The following KIAA1614 variants were observed in gnomAD, a reference collection of about 807,000 sequenced individuals.
The protein encoded by KIAA1614 is uncharacterized protein KIAA1614.
In KIAA1614, 76 loss-of-function variants were observed where a neutral mutation model predicts 88.7. The ratio of observed to expected loss-of-function variants is 0.86; its 90% CI spans 0.71 to 1.04. KIAA1614 has a LOEUF of 1.04. KIAA1614 is among the 50% of genes least tolerant of loss of function. The pLI, the probability that KIAA1614 is intolerant of heterozygous loss-of-function variation, is 0.00. For synonymous variants in KIAA1614, 714 were observed against 675.5 expected (o/e 1.06, Z -0.88); for missense variants, 1,553 against 1,582.5 (o/e 0.98, Z 0.32).
rs914624164 is a variant in KIAA1614 at position 180,913,264 on chromosome 1, G to A, written c.21G>A (p.Ala7=). ...GAGGGATGGAGGGGACAGAGGCGGC[G>A]GCGGCCAAACCCGCGGGCGGCAGCC... MEGTEA[A]AAKPAGGSPQ... is the part of the protein sequence containing the mutation. Residue 7 remains alanine (A), a synonymous_variant, in exon 1 of 9, where the codon GCG becomes GCA. Transcript: ENST00000367588. 1.6e-6 allele frequency: 2 copies of A among 1,260,978 alleles called. No homozygotes were observed. The highest frequency in any genetic ancestry group is 1.6e-5 in the African/African-American group (1 of 64,494). The allele number at this position is 1,260,978 out of a possible 1,614,324, so 78.1% of individuals were successfully genotyped here.
intron 4 of KIAA1614, among the ~76,000 whole-genome samples, chr1:180,931,091 G>A (rs942287494): frequency 2.6e-5 from 4 of 152,352 alleles, no homozygotes; most frequent in African/African-American, 9.6e-5. Context: ...AACAGACAGG[G>A]ACTCCAGGAG....
intron 4 of KIAA1614, among the ~76,000 whole-genome samples, chr1:180,934,020 C>T (rs1298162876): frequency 1.3e-5 from 2 of 152,146 alleles, no homozygotes; most frequent in African/African-American, 4.8e-5. Context: ...TTTGGGAGGT[C>T]GAGGCAGGCA....
rs778547578 is a variant in KIAA1614, at chr1:180,945,323, G to A, written c.3308G>A (p.Arg1103Gln). The A allele has an allele frequency of 2.5e-5, 40 of 1,586,622 alleles. No homozygotes were observed. Among genetic ancestry groups the A allele is most frequent in the Admixed American group, 9.7e-5 (5 of 51,508 alleles). Residue 1103 changes from arginine to glutamine, a missense_variant, in exon 9 of 9, where the codon CGG (arginine) becomes CAG (glutamine). Transcript: ENST00000367588. ...AAGRPAKTSPRRALSVEDVGA... is the reference protein window; with the variant it reads ...AAGRPAKTSPQRALSVEDVGA... ...CGCAGGCCGGCCAAGACTTCACCAC[G>A]GCGTGCCCTCAGTGTGGAGGACGTG...
chr1:180,935,094 C>G lies in KIAA1614; in HGVS notation c.1206-21C>G, dbSNP rs1654283619. 1 of 1,387,752 alleles carries G rather than the reference C, an allele frequency of 7.2e-7. No homozygotes were observed. Among genetic ancestry groups the G allele is most frequent in the African/African-American group, 1.5e-5 (1 of 66,528 alleles). The allele number at this position is 1,387,752 out of a possible 1,614,324, so 86.0% of individuals were successfully genotyped here. On this transcript the variant is annotated intron_variant, in intron 4 of 8. Transcript: ENST00000367588. This position sits in a 1 kb window ranked among gnomAD's most constrained non-coding sequence, Gnocchi z 6.1. The stretch of plus-strand genomic sequence containing the variant: ...CCCCAGGTTTCTGCCCTTGACCTCT[C>G]TCCTCCTGTCTCTTCATCAGAGATG...
At chr1:180,923,213 C>T (rs1653991733) in intron 3 of KIAA1614, among the ~76,000 whole-genome samples, 1 of 152,150 alleles carries the variant, frequency 6.6e-6, no homozygotes, top group Non-Finnish European at 1.5e-5. Flanking sequence ...ACATCATTGG[C>T]CACTGCGAGT....
chr1:180,924,385 C>G (rs1654021175), intron 3 of KIAA1614, among the ~76,000 whole-genome samples: 1 of 152,220 alleles, frequency 6.6e-6, no homozygotes, highest in African/African-American at 2.4e-5. Flanking sequence ...AAAGGGGCAG[C>G]CCAAAGCCTC....
chr1:180,947,320 AG>A lies in KIAA1614; in HGVS notation c.*1733del, dbSNP rs1654618819. On this transcript the variant is annotated 3_prime_UTR_variant, in exon 9 of 9. Transcript: ENST00000367588. ...AGATGGGAGCCACTAGAGGGCTCGG[AG>A]CGAGCACTGAGACTCTCTAATGTCT... The A allele has an allele frequency of 6.6e-6, 1 of 152,274 alleles. No individual in the cohort carries two copies. 9.4% of individuals were successfully genotyped at this position (152,274 alleles called of 1,614,324 possible). A position where few individuals can be genotyped will look rare whatever the true frequency, so the allele number is the denominator to read the frequency against.
chr1:180,932,215 A>G (rs1295813131), intron 4 of KIAA1614, among the ~76,000 whole-genome samples: 1 of 152,018 alleles, frequency 6.6e-6, no homozygotes, highest in Admixed American at 6.6e-5. Context: ...CCCGACGACC[A>G]TATTGAGATG....
chr1:180,928,652 C>A, intron 4 of KIAA1614, 79 bp downstream of exon 4: 1 of 1,411,834 alleles, frequency 7.1e-7, no homozygotes, highest in Non-Finnish European at 9.5e-7. Context: ...TGGGATCTAG[C>A]CAAATGCTGC....
rs1034731577 is a variant in KIAA1614 at position 180,950,029 on chromosome 1, T to C, written c.*4441T>C. Reference sequence around the variant, plus strand: ...CAGAAAAAGATTAGCTCACTCACTGTCAGGTATAAATAAATGACAACAGTT... The same window carrying C: ...CAGAAAAAGATTAGCTCACTCACTGCCAGGTATAAATAAATGACAACAGTT... On this transcript the variant is annotated 3_prime_UTR_variant, in exon 9 of 9. Transcript: ENST00000367588. 1 of 152,428 alleles carries C rather than the reference T, an allele frequency of 6.6e-6. No individual in the cohort carries two copies. The highest frequency in any genetic ancestry group is 6.5e-5 in the Admixed American group (1 of 15,298). 9.4% of individuals were successfully genotyped at this position (152,428 alleles called of 1,614,324 possible).
rs1654714451 is a variant in KIAA1614 at position 180,950,833 on chromosome 1, G to C, written c.*5245G>C. 2 of 152,556 alleles carry C rather than the reference G, an allele frequency of 1.3e-5. No individual in the cohort carries two copies. Among genetic ancestry groups the C allele is most frequent in the Non-Finnish European group, 2.9e-5 (2 of 68,236 alleles). The allele number at this position is 152,556 out of a possible 1,614,324, so 9.5% of individuals were successfully genotyped here. On this transcript the variant is annotated 3_prime_UTR_variant, in exon 9 of 9. Transcript: ENST00000367588. ...TACCTTTGTTGGCAGGGGGAGAAGG[G>C]AGATTCAGTGGATCCTTTGGTTGAT...
In KIAA1614 at chr1:180,938,546, T is replaced by A. The variant is rs374233294; in HGVS notation, c.2762-9T>A. 6.2e-7 allele frequency: 1 copy of A among 1,613,482 alleles called. No individual in the cohort carries two copies. Among genetic ancestry groups the A allele is most frequent in the Non-Finnish European group, 8.5e-7 (1 of 1,179,690 alleles). On this transcript the variant is annotated splice_polypyrimidine_tract_variant and intron_variant, in intron 5 of 8. Transcript: ENST00000367588. ...GTCTGACTCAGGTGGGATGCTGTGC[T>A]TGTTTCAGGAGGACCCCAGGGCTTT...
intron 6 of KIAA1614, 112 bp from the exon 7 acceptor site, chr1:180,940,933 A>G: frequency 1.1e-6 from 1 of 919,324 alleles, no homozygotes; most frequent in Non-Finnish European, 1.6e-6. Context: ...CAAATGTGCC[A>G]GAGGCATTGG....
Position 180,948,979 on chromosome 1 carries a change from G to C in KIAA1614, c.*3391G>C, listed in dbSNP as rs1403235451. 6.6e-6 allele frequency: 1 copy of C among 152,276 alleles called. No individual in the cohort carries two copies. The highest frequency in any genetic ancestry group is 1.5e-5 in the Non-Finnish European group (1 of 68,054). 9.4% of individuals were successfully genotyped at this position (152,276 alleles called of 1,614,324 possible). On this transcript the variant is annotated 3_prime_UTR_variant, in exon 9 of 9. Coordinates refer to ENST00000367588, the MANE Select transcript of KIAA1614 (RefSeq NM_020950.2). ...TTTAAAACGCCTGACTTCTGTCAGG[G>C]CCACAGGCTGGGCTGCCCAAAGCTC...
chr1:180,928,111 A>C, intron 3 of KIAA1614: 4 of 225,814 alleles, frequency 1.8e-5, no homozygotes, highest in East Asian at 9.0e-5. Context: ...TGGGGAAGGA[A>C]CAATAGAATA....
chr1:180,916,392 GC>G lies in KIAA1614; in HGVS notation c.291del (p.Lys98AsnfsTer4). 1 of 1,614,224 alleles carries G rather than the reference GC, an allele frequency of 6.2e-7. No individual in the cohort carries two copies. The highest frequency in any genetic ancestry group is 1.1e-5 in the South Asian group (1 of 91,082). On this transcript the variant is annotated frameshift_variant, in exon 2 of 9. Coordinates refer to ENST00000367588, the MANE Select transcript of KIAA1614 (RefSeq NM_020950.2). LOFTEE classifies it high-confidence loss of function. Reference protein sequence around the residue: ...VRALKEKMTVAKQGVSPCSAS... With the variant: ...VRALKEKMTVXKQGVSPCSAS... ...GGCTTTGAAGGAGAAGATGACAGTG[GC>G]CAAACAGGGAGTGAGTCCCTGCTCT...
At position 180,936,513 on chromosome 1, in the gene KIAA1614, G is replaced by C. The variant is rs1363913726; in HGVS notation, c.2604G>C (p.Gln868His). Residue 868 changes from glutamine to histidine, a missense_variant, in exon 5 of 9, where the codon CAG becomes CAC. Physicochemically the swap from Gln to His is conservative, Grantham distance 24. Coordinates refer to ENST00000367588, the MANE Select transcript of KIAA1614 (RefSeq NM_020950.2). The stretch of plus-strand genomic sequence containing the variant: ...CACAGACCCAGCCCAGCCGCCCTCA[G>C]GTCAGGCACCCACTGCTGGCCCTGT... ...PPSQTQPSRP[Q>H]VRHPLLALST... 6 of 1,614,094 alleles carry C rather than the reference G, an allele frequency of 3.7e-6. No homozygotes were observed. The Admixed American group carries it at 8.3e-5, about 22-fold the overall frequency.
At position 180,918,890 on chromosome 1, in the gene KIAA1614, G is replaced by A. The variant is rs74459702; in HGVS notation, c.1061+976G>A. On this transcript the variant is annotated intron_variant, in intron 3 of 8. Transcript: ENST00000367588. ...AAATTTATTGCTCACAGTTCTGGGG[G>A]CTGTGAGGTCCAGGATCAAGGCACA... 7.8e-3 allele frequency among the ~76,000 whole-genome samples: 1,184 copies of A among 152,304 alleles called. 9 individuals are homozygous for A. Among genetic ancestry groups the A allele is most frequent in the Non-Finnish European group, 0.013 (917 of 68,034 alleles).
chr1:180,943,589 C>T (rs1654520452), intron 7 of KIAA1614, among the ~76,000 whole-genome samples: 1 of 103,618 alleles, frequency 9.7e-6, no homozygotes, highest in Non-Finnish European at 1.8e-5. Flanking sequence ...CATTCTGTCA[C>T]TCAGGTTGGA....
Sources: gnomAD v4.1 joint callset for allele counts (sites outside exome capture counted in the v4.1 genomes callset) on GRCh38, gnomAD v4.1.1 for gene constraint, Gnocchi (gnomAD v3.1) non-coding constraint, MANE v1.5 for transcripts, NCBI Gene and HGNC (gene_info 2026-07-23, HGNC 2026-07-21) for gene names.